Variants in CLSTN2 observed in about 807,000 individuals in gnomAD.
CLSTN2 encodes the protein calsyntenin 2, also known as calsyntenin-2.
A neutral mutation model predicts 101.2 loss-of-function variants in CLSTN2; 48 were observed. The ratio of observed to expected loss-of-function variants is 0.47; its 90% CI spans 0.38 to 0.60. CLSTN2 has a LOEUF of 0.60. Ranked by LOEUF, CLSTN2 falls within the 20% of genes least tolerant of loss-of-function variation. CLSTN2 has a pLI of 0.00. For missense variants in CLSTN2, 1,160 were observed against 1,238.2 expected (o/e 0.94, Z 0.95); for synonymous variants, 481 against 463.6 (o/e 1.04, Z -0.48).
intron 2 of CLSTN2, among the ~76,000 whole-genome samples, chr3:140,207,876 T>C (rs2107844910): frequency 6.6e-6 from 1 of 152,298 alleles, no homozygotes; most frequent in South Asian, 2.1e-4. Flanking sequence ...TGCTGCCACA[T>C]TTTATTTTGC....
chr3:140,017,711 C>T (rs1361544799), intron 1 of CLSTN2, among the ~76,000 whole-genome samples: 1 of 152,166 alleles, frequency 6.6e-6, no homozygotes, highest in Non-Finnish European at 1.5e-5. Flanking sequence ...AGGGAGATGA[C>T]ATTCTAGAGG....
In CLSTN2 at chr3:140,433,463, C is replaced by T. The variant is rs142025358; in HGVS notation, c.787+12189C>T. Among the ~76,000 whole-genome samples the T allele has an allele frequency of 1.3e-4, 20 of 152,348 alleles. No individual in the cohort carries two copies. The East Asian group carries it at 3.5e-3, about 26-fold the overall frequency. On this transcript the variant is annotated intron_variant, in intron 5 of 16. Coordinates refer to ENST00000458420, the MANE Select transcript of CLSTN2 (RefSeq NM_022131.3). The stretch of plus-strand genomic sequence containing the variant: ...CATCTCCCCATGGACCTGGGTCTGT[C>T]CCTGAGCTGCACAGTCTGCCTACTC...
chr3:140,089,594 T>G (rs983310414), intron 1 of CLSTN2, among the ~76,000 whole-genome samples: 35 of 127,954 alleles, frequency 2.7e-4, no homozygotes, highest in Non-Finnish European at 3.1e-4. Context: ...ATTTATTTAT[T>G]TATTTATTTA....
chr3:139,967,155 G>A (rs1935615061), intron 1 of CLSTN2, among the ~76,000 whole-genome samples: 1 of 152,264 alleles, frequency 6.6e-6, no homozygotes, highest in African/African-American at 2.4e-5. Context: ...CAGAAGTCAT[G>A]GACTGACTTG....
Position 140,573,902 on chromosome 3 carries a change from C to CG in CLSTN2, c.*7650dup, listed in dbSNP as rs1985648906. On this transcript the variant is annotated 3_prime_UTR_variant, in exon 17 of 17. Transcript: ENST00000458420. ...CAACACCTCCCCAGAGGCAGGACCCCGCCCCCATGAGAACATGCAGTTGAA... is the reference window on the plus strand; with the variant it reads ...CAACACCTCCCCAGAGGCAGGACCCCGGCCCCCATGAGAACATGCAGTTGAA... The CG allele has an allele frequency of 6.6e-6, 1 of 152,524 alleles. No individual in the cohort carries two copies. The highest frequency in any genetic ancestry group is 1.5e-5 in the Non-Finnish European group (1 of 68,338). 9.4% of individuals were successfully genotyped at this position (152,524 alleles called of 1,614,324 possible).
At chr3:140,455,524 G>A (rs1933378060) in intron 6 of CLSTN2, among the ~76,000 whole-genome samples, 1 of 152,180 alleles carries the variant, frequency 6.6e-6, no homozygotes, top group African/African-American at 2.4e-5. Context: ...ACCCTGCTAG[G>A]GCCCAGGGAC....
At chr3:139,969,262 C>T (rs574752686) in intron 1 of CLSTN2, among the ~76,000 whole-genome samples, 175 of 152,308 alleles carry the variant, frequency 1.1e-3, no homozygotes, top group Non-Finnish European at 2.1e-3. Context: ...GTCACTGCTA[C>T]ATTTTGTCCA....
chr3:139,960,749 G>A (rs1216437815), intron 1 of CLSTN2, among the ~76,000 whole-genome samples: 3 of 152,176 alleles, frequency 2.0e-5, no homozygotes, highest in African/African-American at 7.2e-5. Flanking sequence ...CATGATAGAA[G>A]CCAGGGGCTG....
At chr3:140,449,006 TAC>T (rs1242175632) in intron 6 of CLSTN2, among the ~76,000 whole-genome samples, 1 of 152,076 alleles carries the variant, frequency 6.6e-6, no homozygotes, top group Admixed American at 6.6e-5. Flanking sequence ...CTTTCAGGAG[TAC>T]CTAGGTCAGG....
At chr3:140,042,869 C>A (rs1306104451) in intron 1 of CLSTN2, among the ~76,000 whole-genome samples, 11 of 152,178 alleles carry the variant, frequency 7.2e-5, no homozygotes, top group African/African-American at 2.7e-4. Context: ...TTTTTTATGG[C>A]TGCATAGTAT....
intron 2 of CLSTN2, among the ~76,000 whole-genome samples, chr3:140,293,596 C>T (rs990406809): frequency 6.6e-5 from 10 of 152,070 alleles, no homozygotes; most frequent in Non-Finnish European, 1.0e-4. Flanking sequence ...TTAGGCAGGA[C>T]GGTACCTAGA....
intron 1 of CLSTN2, among the ~76,000 whole-genome samples, chr3:140,114,309 C>G (rs1357427372): frequency 6.6e-6 from 1 of 152,208 alleles, no homozygotes; most frequent in East Asian, 1.9e-4. Flanking sequence ...CAAGAATGCT[C>G]TCTGTATTCC....
intron 1 of CLSTN2, among the ~76,000 whole-genome samples, chr3:140,097,644 G>T (rs374995989): frequency 1.5e-4 from 23 of 152,252 alleles, no homozygotes; most frequent in Admixed American, 1.5e-3. Context: ...TGATGGGGGC[G>T]GTCAGAGAGC....
At chr3:140,140,256 T>C (rs59287795) in intron 1 of CLSTN2, among the ~76,000 whole-genome samples, 270 of 152,182 alleles carry the variant, frequency 1.8e-3, no homozygotes, top group African/African-American at 6.4e-3. Context: ...TGAGGTTGGG[T>C]AGTTTATAAA....
rs570950447 is a variant in CLSTN2, at chr3:139,950,469, C to A, written c.109+14986C>A. ...GAGGTTGAGCCAAGATAGAATAGACCATTTTTTCTGTAACTCTGGCTCTAG... is the reference window on the plus strand; with the variant it reads ...GAGGTTGAGCCAAGATAGAATAGACAATTTTTTCTGTAACTCTGGCTCTAG... On this transcript the variant is annotated intron_variant, in intron 1 of 16. Transcript: ENST00000458420. Among the ~76,000 whole-genome samples the A allele has an allele frequency of 3.7e-4, 56 of 152,254 alleles. 2 individuals are homozygous for A. In the South Asian group the frequency reaches 0.011, roughly 30 times the overall value.
intron 9 of CLSTN2, 93 bp from the exon 10 acceptor site, chr3:140,546,422 C>A: frequency 2.3e-6 from 3 of 1,325,328 alleles, no homozygotes; most frequent in East Asian, 2.3e-5. Flanking sequence ...GACACACAAT[C>A]AAGGCGTCTT....
intron 1 of CLSTN2, among the ~76,000 whole-genome samples, chr3:140,074,898 C>A (rs1465671335): frequency 6.6e-6 from 1 of 152,200 alleles, no homozygotes; most frequent in African/African-American, 2.4e-5. Flanking sequence ...TCACTCTCCA[C>A]CGAACCCCGG....
At position 140,558,818 on chromosome 3, in the gene CLSTN2, T is replaced by C; in HGVS notation, c.2002T>C (p.Phe668Leu). The change falls in exon 12 of 17, where the codon TTC becomes CTC. Residue 668 changes from phenylalanine to leucine, a missense_variant. Coordinates refer to ENST00000458420, the MANE Select transcript of CLSTN2 (RefSeq NM_022131.3). ...LFPDIKIVST[F>L]AKTEAPGDVK... ...CCCTGATATCAAGATTGTGAGCACC[T>C]TCGCCAAAACCGAAGCCCCCGGGGA... 6.2e-7 allele frequency: 1 copy of C among 1,614,000 alleles called. No homozygotes were observed. Among genetic ancestry groups the C allele is most frequent in the Admixed American group, 1.7e-5 (1 of 60,002 alleles).
At chr3:140,258,306 A>G (rs1032993761) in intron 2 of CLSTN2, among the ~76,000 whole-genome samples, 2 of 152,216 alleles carry the variant, frequency 1.3e-5, no homozygotes, top group Non-Finnish European at 2.9e-5. Flanking sequence ...AGACATATGT[A>G]GCTGAAGTTA....
Sources: gnomAD v4.1 joint callset for allele counts (sites outside exome capture counted in the v4.1 genomes callset) on GRCh38, gnomAD v4.1.1 for gene constraint, MANE v1.5 for transcripts, NCBI Gene and HGNC (gene_info 2026-07-23, HGNC 2026-07-21) for gene names.